Variants in CSGALNACT1 observed in about 807,000 individuals in gnomAD.
CSGALNACT1 encodes the protein chondroitin sulfate N-acetylgalactosaminyltransferase 1.
Under a neutral mutation model 51.0 loss-of-function variants are expected in CSGALNACT1, and 52 were observed. The ratio of observed to expected loss-of-function variants is 1.02; its 90% CI spans 0.82 to 1.29. The LOEUF (loss-of-function observed/expected upper bound fraction) is 1.29. Ranked by LOEUF, CSGALNACT1 falls within the 50% of genes most tolerant of loss-of-function variation. The pLI is 0.00. For synonymous variants in CSGALNACT1, 341 were observed against 254.4 expected (o/e 1.34, Z -3.24); for missense variants, 935 against 679.2 (o/e 1.38, Z -4.19).
chr8:19,441,533 T>C (rs1369086609), intron 5 of CSGALNACT1, among the ~76,000 whole-genome samples: 1 of 152,240 alleles, frequency 6.6e-6, no homozygotes, highest in Non-Finnish European at 1.5e-5. Context: ...AAGCTGAAAC[T>C]GGATCCCTTC....
Position 19,406,909 on chromosome 8 carries a change from G to A in CSGALNACT1, c.1310-840C>T, listed in dbSNP as rs187047211. Among the ~76,000 whole-genome samples the A allele has an allele frequency of 9.9e-4, 150 of 152,252 alleles. 1 individual carries two copies. Among genetic ancestry groups the A allele is most frequent in the African/African-American group, 3.3e-3 (137 of 41,556 alleles). ...TTTTTAGTAGAGACGGGGTTTCACCGTTTTGGCCAGACTGGTCTTGAACTC... is the reference window on the plus strand; with the variant it reads ...TTTTTAGTAGAGACGGGGTTTCACCATTTTGGCCAGACTGGTCTTGAACTC... On this transcript the variant is annotated intron_variant, in intron 9 of 9. Transcript: ENST00000454498.
chr8:19,597,278 C>G (rs2049124452), intron 2 of CSGALNACT1, among the ~76,000 whole-genome samples: 1 of 123,588 alleles, frequency 8.1e-6, no homozygotes, highest in African/African-American at 3.2e-5. Flanking sequence ...CTGCCTCTAT[C>G]TTCTTTCTTT....
chr8:19,755,241 G>C (rs573145362), intron 1 of CSGALNACT1, among the ~76,000 whole-genome samples: 1 of 152,008 alleles, frequency 6.6e-6, no homozygotes, highest in South Asian at 2.1e-4. Context: ...ACTTAGGATG[G>C]ATTCTTAGGA....
intron 3 of CSGALNACT1, among the ~76,000 whole-genome samples, chr8:19,571,878 C>A (rs1026412033): frequency 6.6e-6 from 1 of 152,194 alleles, no homozygotes; most frequent in African/African-American, 2.4e-5. Flanking sequence ...AAAGAAGTTA[C>A]TGTAAGTTTT....
chr8:19,551,072 C>T (rs1206802379), intron 3 of CSGALNACT1, among the ~76,000 whole-genome samples: 1 of 152,100 alleles, frequency 6.6e-6, no homozygotes, highest in Non-Finnish European at 1.5e-5. Flanking sequence ...AAACCACGCC[C>T]CAGGGTTAGA....
chr8:19,505,635 T>C, exon 4 of CSGALNACT1: 1 of 1,614,150 alleles, frequency 6.2e-7, no homozygotes, highest in Non-Finnish European at 8.5e-7. Context: ...GTTGCGGTGC[T>C]GCTCCTCCCA....
chr8:19,630,194 C>CTCTGTGTGTG (rs1431879737), intron 1 of CSGALNACT1, among the ~76,000 whole-genome samples: 1 of 137,784 alleles, frequency 7.3e-6, no homozygotes, highest in African/African-American at 2.7e-5. Context: ...TCCCACGTCT[C>CTCTGTGTGTG]TGTGTGTGTG....
intron 1 of CSGALNACT1, among the ~76,000 whole-genome samples, chr8:19,636,966 G>C (rs906566001): frequency 5.7e-4 from 87 of 151,990 alleles, no homozygotes; most frequent in African/African-American, 1.9e-3. Flanking sequence ...AAGGAAGGCA[G>C]ATCACCTGAG....
intron 7 of CSGALNACT1, among the ~76,000 whole-genome samples, chr8:19,420,065 T>TC (rs2057661495): frequency 6.6e-6 from 1 of 152,176 alleles, no homozygotes; most frequent in African/African-American, 2.4e-5. Flanking sequence ...CCTTTGCTCC[T>TC]CCTTCACCTT....
intron 1 of CSGALNACT1, among the ~76,000 whole-genome samples, chr8:19,654,522 G>T (rs2058092832): frequency 6.6e-6 from 1 of 152,164 alleles, no homozygotes. Flanking sequence ...AAATGAGGAT[G>T]TTGTAGGGTG....
chr8:19,667,012 AAAGAAAGGAAGGAAGG>A (rs2059379708), intron 1 of CSGALNACT1, among the ~76,000 whole-genome samples: 4 of 34,390 alleles, frequency 1.2e-4, no homozygotes, highest in Admixed American at 5.9e-4. Context: ...AGAAAGAAAG[AAAGAAAGGAAGGAAGG>A]AAGGAAGGAA....
chr8:19,755,454 G>GAAAAAA (rs2065296940), intron 1 of CSGALNACT1, among the ~76,000 whole-genome samples: 2 of 8,356 alleles, frequency 2.4e-4, no homozygotes, highest in Non-Finnish European at 2.8e-4. Context: ...TGTAAAGAAA[G>GAAAAAA]ACAAAAAAAA....
chr8:19,496,924 G>A (rs891542270), intron 4 of CSGALNACT1, among the ~76,000 whole-genome samples: 1 of 152,166 alleles, frequency 6.6e-6, no homozygotes, highest in Admixed American at 6.5e-5. Flanking sequence ...ATGCTGTGCA[G>A]CCGGCGGGAG....
intron 1 of CSGALNACT1, among the ~76,000 whole-genome samples, chr8:19,680,284 G>A (rs146574933): frequency 3.2e-4 from 49 of 152,276 alleles, no homozygotes; most frequent in African/African-American, 1.2e-3. Context: ...GGCCTGGAAT[G>A]GTGGCTCATG....
intron 2 of CSGALNACT1, among the ~76,000 whole-genome samples, chr8:19,599,646 G>GTC (rs1392796728): frequency 6.6e-6 from 1 of 152,156 alleles, no homozygotes; most frequent in African/African-American, 2.4e-5. Flanking sequence ...GCTGATTAAG[G>GTC]TCTACTTGGG....
intron 3 of CSGALNACT1, among the ~76,000 whole-genome samples, chr8:19,583,897 G>T (rs1226218345): frequency 6.6e-6 from 1 of 152,156 alleles, no homozygotes; most frequent in African/African-American, 2.4e-5. Flanking sequence ...GGGTTTGAGA[G>T]AAGTCAGACC....
chr8:19,443,535 G>C (rs963770744), intron 5 of CSGALNACT1, among the ~76,000 whole-genome samples: 1 of 152,138 alleles, frequency 6.6e-6, no homozygotes, highest in Non-Finnish European at 1.5e-5. Flanking sequence ...AGGATCAAAG[G>C]CACATCTTAC....
exon 4 of CSGALNACT1, chr8:19,505,582 C>T (rs764416172): frequency 1.2e-6 from 2 of 1,614,028 alleles, no homozygotes; most frequent in Non-Finnish European, 1.7e-6. Context: ...TCCTGCAGCT[C>T]CTCCTTGAGC....
At chr8:19,592,959 CTTTTTGACTTACAATA>C (rs1026605054) in intron 2 of CSGALNACT1, among the ~76,000 whole-genome samples, 2 of 152,184 alleles carry the variant, frequency 1.3e-5, no homozygotes, top group South Asian at 2.1e-4. Context: ...GTATTAAATG[CTTTTTGACTTACAATA>C]TTTTTGACTT....
Sources: gnomAD v4.1 joint callset for allele counts (sites outside exome capture counted in the v4.1 genomes callset) on GRCh38, gnomAD v4.1.1 for gene constraint, MANE v1.5 for transcripts, NCBI Gene and HGNC (gene_info 2026-07-23, HGNC 2026-07-21) for gene names.